CGRRF1: variants seen among roughly 807,000 people sequenced by gnomAD.
CGRRF1 encodes cell growth regulator with RING finger domain protein 1.
CGRRF1 carries 32 observed loss-of-function variants against 37.2 expected under a neutral mutation model. That is an observed-to-expected ratio of 0.86 (90% CI 0.65 to 1.16). CGRRF1 has a LOEUF of 1.16. Among genes scored for constraint, CGRRF1 ranks in the 50% most tolerant of loss-of-function variants. The pLI, the probability that CGRRF1 is intolerant of heterozygous loss-of-function variation, is 0.00. For synonymous variants in CGRRF1, 141 were observed against 140.3 expected (o/e 1.00, Z -0.04); for missense variants, 391 against 382.6 (o/e 1.02, Z -0.18).
chr14:54,537,048 A>T (rs2032611603), intron 4 of CGRRF1: 1 of 152,086 alleles, frequency 6.6e-6, no homozygotes, highest in African/African-American at 2.4e-5. Context: ...TCCAATAGCT[A>T]TCCAATTGTC....
intron 1 of CGRRF1, among the ~76,000 whole-genome samples, chr14:54,518,928 GTTGTTTTGTT>G (rs557229779): frequency 1.6e-4 from 25 of 152,072 alleles, no homozygotes; most frequent in Non-Finnish European, 2.6e-4. Context: ...CTAGGTTTTT[GTTGTTTTGTT>G]TTGTTTTGTT....
chr14:54,530,281 A>G (rs2032490910), intron 3 of CGRRF1, 55 bp downstream of exon 3: 7 of 1,436,596 alleles, frequency 4.9e-6, no homozygotes, highest in Non-Finnish European at 5.8e-6. Context: ...TCTTATGGAT[A>G]AAGTGTTGCT....
intron 1 of CGRRF1, among the ~76,000 whole-genome samples, chr14:54,515,016 A>C (rs1325913036): frequency 1.3e-5 from 2 of 151,352 alleles, no homozygotes; most frequent in Non-Finnish European, 2.9e-5. Flanking sequence ...TAATCCAAAT[A>C]TATTCTCTCT....
At position 54,538,426 on chromosome 14, in the gene CGRRF1, A is replaced by T; in HGVS notation, c.*43A>T. The T allele has an allele frequency of 7.2e-7, 1 of 1,395,870 alleles. No individual in the cohort carries two copies. The highest frequency in any genetic ancestry group is 1.4e-5 in the African/African-American group (1 of 69,778). The allele number at this position is 1,395,870 out of a possible 1,614,324, so 86.5% of individuals were successfully genotyped here. ...AAAGTACACTTTCTACTAAAGATGCAGAAATTGATGATCTTGGAATTCATC... is the reference window on the plus strand; with the variant it reads ...AAAGTACACTTTCTACTAAAGATGCTGAAATTGATGATCTTGGAATTCATC... On this transcript the variant is annotated 3_prime_UTR_variant, in exon 6 of 6. Coordinates refer to ENST00000216420, the MANE Select transcript of CGRRF1 (RefSeq NM_006568.3).
intron 4 of CGRRF1, among the ~76,000 whole-genome samples, chr14:54,533,751 A>G (rs2140066556): frequency 6.6e-6 from 1 of 152,234 alleles, no homozygotes; most frequent in East Asian, 1.9e-4. Context: ...TTGTTACTAC[A>G]AAATTTTGAC....
chr14:54,528,238 A>G (rs1471210330), intron 2 of CGRRF1, among the ~76,000 whole-genome samples: 2 of 139,760 alleles, frequency 1.4e-5, no homozygotes, highest in African/African-American at 5.4e-5. Flanking sequence ...TAAGAGACAG[A>G]GTCTCACTGT....
At chr14:54,511,218 A>G (rs1177058871) in intron 1 of CGRRF1, among the ~76,000 whole-genome samples, 1 of 152,244 alleles carries the variant, frequency 6.6e-6, no homozygotes, top group Non-Finnish European at 1.5e-5. Flanking sequence ...AGGAAGTGAC[A>G]AAAGTTTTAA....
At chr14:54,533,764 T>C (rs2032558187) in intron 4 of CGRRF1, among the ~76,000 whole-genome samples, 1 of 152,100 alleles carries the variant, frequency 6.6e-6, no homozygotes, top group Admixed American at 6.5e-5. Context: ...ATTTTGACTT[T>C]AAAATTTTTT....
intron 1 of CGRRF1, among the ~76,000 whole-genome samples, chr14:54,510,583 C>T (rs537634495): frequency 6.6e-6 from 1 of 152,280 alleles, no homozygotes; most frequent in Non-Finnish European, 1.5e-5. Flanking sequence ...TTAATGGTTT[C>T]TGTATACATT....
At chr14:54,518,563 GA>G (rs113145191) in intron 1 of CGRRF1, among the ~76,000 whole-genome samples, 37 of 144,176 alleles carry the variant, frequency 2.6e-4, no homozygotes, top group African/African-American at 3.6e-4. Context: ...AAAAAAAAAA[GA>G]AAAAAAAAAG....
chr14:54,529,987 T>G, intron 2 of CGRRF1, 62 bp from the exon 3 acceptor site: 3 of 1,371,792 alleles, frequency 2.2e-6, no homozygotes, highest in Non-Finnish European at 2.0e-6. Flanking sequence ...TTACTCACCC[T>G]GTATGATTGT....
intron 2 of CGRRF1, among the ~76,000 whole-genome samples, chr14:54,524,462 T>C (rs533841157): frequency 2.0e-5 from 3 of 150,858 alleles, no homozygotes; most frequent in Non-Finnish European, 4.4e-5. Context: ...CATACCTCAC[T>C]GCAGCCCCAA....
chr14:54,530,051 G>T lies in CGRRF1; in HGVS notation c.247G>T (p.Gly83Cys). The change falls in exon 3 of 6, where the codon GGC (glycine) becomes TGC (cysteine). Residue 83 changes from glycine to cysteine, a missense_variant and splice_region_variant. Transcript: ENST00000216420. ...TNPSSASITT[G>C]ITLTTDCLED... Reference sequence around the variant, plus strand: ...TCTTTCTCCTTTGTTTTTTACAGCTGGCATAACCTTGACAACAGATTGCCT... The same window carrying T: ...TCTTTCTCCTTTGTTTTTTACAGCTTGCATAACCTTGACAACAGATTGCCT... 6.2e-7 allele frequency: 1 copy of T among 1,604,790 alleles called. No individual in the cohort carries two copies. Among genetic ancestry groups the T allele is most frequent in the East Asian group, 2.2e-5 (1 of 44,554 alleles).
intron 1 of CGRRF1, among the ~76,000 whole-genome samples, chr14:54,520,695 G>A (rs192610393): frequency 2.0e-5 from 3 of 152,280 alleles, no homozygotes; most frequent in East Asian, 3.9e-4. Context: ...TGCATAGCAC[G>A]ATGTTTCTGA....
At chr14:54,527,611 A>G (rs2032434478) in intron 2 of CGRRF1, among the ~76,000 whole-genome samples, 1 of 152,114 alleles carries the variant, frequency 6.6e-6, no homozygotes, top group Non-Finnish European at 1.5e-5. Context: ...TAAGTATACA[A>G]AGTCTATAAA....
In CGRRF1 at chr14:54,538,757, C is replaced by T. The variant is rs2032643845; in HGVS notation, c.*374C>T. 1 of 161,788 alleles carries T rather than the reference C, an allele frequency of 6.2e-6. No individual in the cohort carries two copies. The highest frequency in any genetic ancestry group is 1.4e-5 in the Non-Finnish European group (1 of 73,736). 10.0% of individuals were successfully genotyped at this position (161,788 alleles called of 1,614,324 possible). ...TTTTACCTTTGATGTAATCGGAGTGCAATTAAGAAAAAACTTAATTCTACT... is the reference window on the plus strand; with the variant it reads ...TTTTACCTTTGATGTAATCGGAGTGTAATTAAGAAAAAACTTAATTCTACT... On this transcript the variant is annotated 3_prime_UTR_variant, in exon 6 of 6. Coordinates refer to ENST00000216420, the MANE Select transcript of CGRRF1 (RefSeq NM_006568.3).
intron 4 of CGRRF1, among the ~76,000 whole-genome samples, chr14:54,535,386 C>CACACACACACAG (rs1418004626): frequency 6.7e-6 from 1 of 149,740 alleles, no homozygotes; most frequent in East Asian, 1.9e-4. Context: ...CACACACACA[C>CACACACACACAG]ACACACACTT....
rs1223020297 is a variant in CGRRF1, at chr14:54,539,288, G to A, written c.*905G>A. 1 of 151,978 alleles carries A rather than the reference G, an allele frequency of 6.6e-6. No individual in the cohort carries two copies. The highest frequency in any genetic ancestry group is 2.4e-5 in the African/African-American group (1 of 41,414). The allele number at this position is 151,978 out of a possible 1,614,324, so 9.4% of individuals were successfully genotyped here. On this transcript the variant is annotated 3_prime_UTR_variant, in exon 6 of 6. Coordinates refer to ENST00000216420, the MANE Select transcript of CGRRF1 (RefSeq NM_006568.3). ...AATAAACCCTGTATTCTTCTGAATA[G>A]TAAATTACTTTATTCATCCATTGTT...
rs1468638934 is a variant in CGRRF1, at chr14:54,538,186, G to C, written c.802G>C (p.Glu268Gln). The C allele has an allele frequency of 2.5e-6, 4 of 1,614,080 alleles. No individual in the cohort carries two copies. Among genetic ancestry groups the C allele is most frequent in the Middle Eastern group, 1.6e-4 (1 of 6,084 alleles). ...CTCTGAAAGTGAAGTTGAGCCATCG[G>C]AAGAGAACAGCAAGGACTGTGTTGT... Reference protein sequence around the residue: ...GLSESEVEPSEENSKDCVVCQ... With the variant: ...GLSESEVEPSQENSKDCVVCQ... The change falls in exon 6 of 6, where the codon GAA becomes CAA. Residue 268 changes from glutamate (E) to glutamine (Q), a missense_variant. Coordinates refer to ENST00000216420, the MANE Select transcript of CGRRF1 (RefSeq NM_006568.3).
Sources: allele counts gnomAD v4.1 joint callset (sites outside exome capture counted in the v4.1 genomes callset), GRCh38; gene constraint gnomAD v4.1.1; transcripts MANE v1.5; gene names NCBI Gene and HGNC (gene_info 2026-07-23, HGNC 2026-07-21).